CREBBP: variants seen among roughly 807,000 people sequenced by gnomAD.
CREBBP encodes CREB-binding protein.
CREBBP carries 19 observed loss-of-function variants against 265.0 expected under a neutral mutation model. The observed-to-expected ratio is 0.07, with a 90% confidence interval of 0.05 to 0.11. The LOEUF is 0.11. Among genes scored for constraint, CREBBP ranks in the 10% least tolerant of loss-of-function variants. CREBBP has a pLI of 1.00. For synonymous variants in CREBBP, 1,457 were observed against 1,223.7 expected, an observed-to-expected ratio of 1.19 and a Z score of -3.98; for missense variants, 2,525 against 3,219.0, an observed-to-expected ratio of 0.78 and a Z score of 5.22.
At chr16:3,846,834 T>C (rs1001861273) in intron 2 of CREBBP, among the ~76,000 whole-genome samples, 1 of 152,198 alleles carries the variant, frequency 6.6e-6, no homozygotes, top group Non-Finnish European at 1.5e-5. Flanking sequence ...TAAGAAATAA[T>C]AGTTGCCTTT....
chr16:3,820,707 A>ATAAT (rs1200103299), intron 2 of CREBBP, among the ~76,000 whole-genome samples: 1 of 152,202 alleles, frequency 6.6e-6, no homozygotes, highest in Non-Finnish European at 1.5e-5. Context: ...TCTACAAAAA[A>ATAAT]TAATTAGCCA....
chr16:3,746,232 C>T (rs117024945), intron 21 of CREBBP, among the ~76,000 whole-genome samples: 2 of 152,254 alleles, frequency 1.3e-5, no homozygotes, highest in East Asian at 3.9e-4. Flanking sequence ...CCCCTGCCCT[C>T]GTCCCCTTAA....
intron 25 of CREBBP, among the ~76,000 whole-genome samples, chr16:3,738,991 C>A (rs1161870705): frequency 6.6e-6 from 1 of 152,190 alleles, no homozygotes; most frequent in Non-Finnish European, 1.5e-5. Context: ...TATCCTCCCA[C>A]CTCGGCCTCC....
At chr16:3,814,242 T>C (rs1336756243) in intron 2 of CREBBP, among the ~76,000 whole-genome samples, 1 of 144,778 alleles carries the variant, frequency 6.9e-6, no homozygotes, top group Non-Finnish European at 1.5e-5. Context: ...TGTGTGTGTG[T>C]GTGTGTGTGT....
intron 3 of CREBBP, among the ~76,000 whole-genome samples, chr16:3,805,269 TC>T (rs1217708598): frequency 6.6e-6 from 1 of 152,194 alleles, no homozygotes; most frequent in Non-Finnish European, 1.5e-5. Flanking sequence ...TTCCAAACCT[TC>T]CCCACGTTTT....
chr16:3,857,399 C>T (rs1203656112), intron 1 of CREBBP, among the ~76,000 whole-genome samples: 2 of 152,260 alleles, frequency 1.3e-5, no homozygotes, highest in Admixed American at 6.5e-5. Flanking sequence ...CAAGATAGGG[C>T]GCACACGTAG....
chr16:3,835,018 C>G (rs1179763507), intron 2 of CREBBP, among the ~76,000 whole-genome samples: 1 of 151,994 alleles, frequency 6.6e-6, no homozygotes, highest in Admixed American at 6.6e-5. Context: ...ATTGGCCGGG[C>G]ATGGTGGCAG....
Position 3,725,233 on chromosome 16 carries a change from T to C in CREBBP, c.*2485A>G, listed in dbSNP as rs959283878. 2 of 233,406 alleles carry C rather than the reference T, an allele frequency of 8.6e-6. No individual in the cohort carries two copies. Among genetic ancestry groups the C allele is most frequent in the Non-Finnish European group, 1.7e-5 (2 of 118,038 alleles). The allele number at this position is 233,406 out of a possible 1,614,324, so 14.5% of individuals were successfully genotyped here. On this transcript the variant is annotated 3_prime_UTR_variant, in exon 31 of 31. Coordinates refer to ENST00000262367, the MANE Select transcript of CREBBP (RefSeq NM_004380.3). ...CCTTACGACAAACTTAGGGTTAGCA[T>C]CCACAGACCATGCTCTCGGTCACAT...
At chr16:3,740,643 G>T (rs2052180980) in intron 23 of CREBBP, 94 bp from the exon 24 acceptor site, 1 of 1,418,890 alleles carries the variant, frequency 7.0e-7, no homozygotes. Flanking sequence ...TGCAGCACAG[G>T]CTGATATTTT....
At chr16:3,810,479 G>C (rs1055437816) in intron 3 of CREBBP, 124 bp downstream of exon 3, 2 of 1,120,012 alleles carry the variant, frequency 1.8e-6, no homozygotes, top group African/African-American at 1.5e-5. Flanking sequence ...GAGAAATCTG[G>C]GTTCTCTTCC....
chr16:3,761,738 G>A (rs2052723631), intron 16 of CREBBP, among the ~76,000 whole-genome samples: 1 of 152,262 alleles, frequency 6.6e-6, no homozygotes, highest in Non-Finnish European at 1.5e-5. Flanking sequence ...CCAGGGTGCA[G>A]ACGTGCCCTT....
intron 10 of CREBBP, 116 bp downstream of exon 10, chr16:3,777,894 GC>G: frequency 7.7e-7 from 1 of 1,293,896 alleles, no homozygotes; most frequent in Non-Finnish European, 1.1e-6. Context: ...CACATCAACA[GC>G]TTCTGCAGGG....
At chr16:3,740,368 G>C (rs368288550) in intron 24 of CREBBP, 31 bp downstream of exon 24, 4 of 1,613,032 alleles carry the variant, frequency 2.5e-6, no homozygotes, top group Non-Finnish European at 3.4e-6. Flanking sequence ...GGGACTGCTC[G>C]CAGAGCACTG....
chr16:3,814,497 C>G (rs1223547396), intron 2 of CREBBP, among the ~76,000 whole-genome samples: 1 of 152,010 alleles, frequency 6.6e-6, no homozygotes, highest in African/African-American at 2.4e-5. Flanking sequence ...CTCAAGTGAT[C>G]CATACACCTC....
rs199785050 is a variant in CREBBP, at chr16:3,871,193, T to A, written c.85+8639A>T. Among the ~76,000 whole-genome samples, 537 of 142,584 alleles carry A rather than the reference T, an allele frequency of 3.8e-3. 1 individual carries two copies. The highest frequency in any genetic ancestry group is 0.011 in the African/African-American group (428 of 38,858). The allele number at this position is 142,584 out of a possible 152,430, so 93.5% of individuals were successfully genotyped here. ...TTAGAGATCTCTCTCTCTCTCTCTC[T>A]CTCACTCACACACACACACACACAC... On this transcript the variant is annotated intron_variant, in intron 1 of 30. Coordinates refer to ENST00000262367, the MANE Select transcript of CREBBP (RefSeq NM_004380.3).
intron 16 of CREBBP, among the ~76,000 whole-genome samples, chr16:3,765,187 A>T (rs1297427948): frequency 1.3e-5 from 2 of 152,186 alleles, no homozygotes; most frequent in Admixed American, 1.3e-4. Flanking sequence ...CGTATTAGCC[A>T]GGATGGTCCT....
At chr16:3,734,674 C>T (rs954400328) in intron 28 of CREBBP, among the ~76,000 whole-genome samples, 5 of 152,200 alleles carry the variant, frequency 3.3e-5, no homozygotes, top group South Asian at 2.1e-4. Flanking sequence ...CCACCTAGGG[C>T]GTAAACCCAC....
chr16:3,747,019 C>T (rs1400119234), intron 21 of CREBBP, among the ~76,000 whole-genome samples: 1 of 152,016 alleles, frequency 6.6e-6, no homozygotes, highest in African/African-American at 2.4e-5. Context: ...TTTTGAATTT[C>T]CCCCTTTCTC....
chr16:3,843,751 G>A (rs943453628), intron 2 of CREBBP, among the ~76,000 whole-genome samples: 1 of 151,720 alleles, frequency 6.6e-6, no homozygotes, highest in Non-Finnish European at 1.5e-5. Context: ...CACTTCCTAG[G>A]GAAAAAAAGG....
Sources: gnomAD v4.1 joint callset for allele counts (sites outside exome capture counted in the v4.1 genomes callset) on GRCh38, gnomAD v4.1.1 for gene constraint, MANE v1.5 for transcripts, NCBI Gene and HGNC (gene_info 2026-07-23, HGNC 2026-07-21) for gene names.